The following NRXN3 variants were observed in gnomAD, a reference collection of about 807,000 sequenced individuals.
NRXN3 encodes neurexin III.
Under a neutral mutation model 137.6 loss-of-function variants are expected in NRXN3, and 32 were observed. The ratio of observed to expected loss-of-function variants is 0.23; its 90% CI spans 0.18 to 0.31. NRXN3 has a LOEUF of 0.31. Ranked by LOEUF, NRXN3 falls within the 10% of genes least tolerant of loss-of-function variation. The pLI is 1.00. For missense variants in NRXN3, 1,574 were observed against 2,062.5 expected (o/e 0.76, Z 4.59); for synonymous variants, 798 against 784.5 (o/e 1.02, Z -0.29).
chr14:78,512,432 T>C (rs1224886348), intron 4 of NRXN3, among the ~76,000 whole-genome samples: 1 of 152,164 alleles, frequency 6.6e-6, no homozygotes, highest in Admixed American at 6.5e-5. Flanking sequence ...GCCCATTATT[T>C]CACTAAATTC....
At chr14:79,502,894 G>A (rs2153675982) in intron 16 of NRXN3, among the ~76,000 whole-genome samples, 1 of 152,008 alleles carries the variant, frequency 6.6e-6, no homozygotes, top group Middle Eastern at 3.4e-3. Context: ...CTGGCTTATG[G>A]CATCAAAGAA....
intron 15 of NRXN3, among the ~76,000 whole-genome samples, chr14:79,425,356 TA>T (rs1255267847): frequency 6.6e-6 from 1 of 152,158 alleles, no homozygotes; most frequent in Non-Finnish European, 1.5e-5. Flanking sequence ...CAAAAATTCT[TA>T]TTTATGTACC....
At chr14:79,280,545 C>A (rs2081110499) in intron 15 of NRXN3, 2 of 1,608,180 alleles carry the variant, frequency 1.2e-6, no homozygotes, top group South Asian at 2.2e-5. Context: ...CACGGTAGGT[C>A]TCTCTGCTCT....
At chr14:79,410,818 A>AGAT (rs2095407088) in intron 15 of NRXN3, among the ~76,000 whole-genome samples, 3 of 152,106 alleles carry the variant, frequency 2.0e-5, no homozygotes, top group Non-Finnish European at 4.4e-5. Context: ...GTCCTAGGTA[A>AGAT]TGCTGATACA....
intron 19 of NRXN3, among the ~76,000 whole-genome samples, chr14:79,763,811 T>G (rs1261472938): frequency 6.6e-6 from 1 of 151,562 alleles, no homozygotes; most frequent in African/African-American, 2.4e-5. Context: ...CTCCACCTCC[T>G]GATACCATTA....
intron 1 of NRXN3, among the ~76,000 whole-genome samples, chr14:78,200,321 T>G (rs796493423): frequency 7.9e-5 from 12 of 152,290 alleles, no homozygotes; most frequent in African/African-American, 2.6e-4. Flanking sequence ...GGAAGGAGAC[T>G]GAGCAACTGT....
intron 4 of NRXN3, among the ~76,000 whole-genome samples, chr14:78,525,861 T>C (rs1251525770): frequency 1.3e-5 from 2 of 152,196 alleles, no homozygotes; most frequent in Non-Finnish European, 1.5e-5. Context: ...TTTCTCTAGG[T>C]CCTGGGTTCT....
chr14:78,317,454 A>G (rs2078842308), intron 4 of NRXN3, among the ~76,000 whole-genome samples: 1 of 152,206 alleles, frequency 6.6e-6, no homozygotes, highest in Non-Finnish European at 1.5e-5. Context: ...TGTTCCTTAT[A>G]AGAATCTGAC....
At chr14:79,331,175 G>T (rs2091633603) in intron 15 of NRXN3, among the ~76,000 whole-genome samples, 1 of 152,078 alleles carries the variant, frequency 6.6e-6, no homozygotes, top group African/African-American at 2.4e-5. Flanking sequence ...GCTGTATATT[G>T]GTAAATATTT....
chr14:79,563,220 A>T (rs913632515), intron 16 of NRXN3, among the ~76,000 whole-genome samples: 1 of 152,184 alleles, frequency 6.6e-6, no homozygotes, highest in Admixed American at 6.6e-5. Context: ...GATCTAGTGT[A>T]TTATTCCCAT....
At chr14:79,639,446 T>C (rs183987456) in intron 16 of NRXN3, among the ~76,000 whole-genome samples, 4 of 152,336 alleles carry the variant, frequency 2.6e-5, no homozygotes, top group Non-Finnish European at 2.9e-5. Context: ...TCTTTGTGAT[T>C]AGTTGTAGTT....
chr14:78,563,209 T>A (rs938390368), intron 4 of NRXN3, among the ~76,000 whole-genome samples: 1 of 152,062 alleles, frequency 6.6e-6, no homozygotes, highest in African/African-American at 2.4e-5. Flanking sequence ...GCTTCAGGAG[T>A]CATTCATTGT....
At chr14:79,227,940 G>T (rs1049341862) in intron 15 of NRXN3, among the ~76,000 whole-genome samples, 3 of 150,724 alleles carry the variant, frequency 2.0e-5, no homozygotes, top group African/African-American at 7.3e-5. Flanking sequence ...TTAAAAAGAT[G>T]CCAGTGACAT....
rs528467481 is a variant in NRXN3 at position 79,447,556 on chromosome 14, T to C, written c.3263-19665T>C. On this transcript the variant is annotated intron_variant, in intron 15 of 20. Transcript: ENST00000335750. Reference sequence around the variant, plus strand: ...ATTTTCATGTATTCTCCTTTTCTTATAAAGGCTCCCTTTGGAACTATCTAG... The same window carrying C: ...ATTTTCATGTATTCTCCTTTTCTTACAAAGGCTCCCTTTGGAACTATCTAG... Among the ~76,000 whole-genome samples, 196 of 152,360 alleles carry C rather than the reference T, an allele frequency of 1.3e-3. 3 individuals carry two copies. The highest frequency in any genetic ancestry group is 4.1e-3 in the African/African-American group (171 of 41,602).
chr14:79,444,429 G>C (rs1229332760), intron 15 of NRXN3, among the ~76,000 whole-genome samples: 1 of 152,174 alleles, frequency 6.6e-6, no homozygotes, highest in African/African-American at 2.4e-5. Flanking sequence ...GCTCCCCTTG[G>C]ATAAGTTTAA....
At chr14:79,811,722 C>T (rs1042006456) in intron 20 of NRXN3, among the ~76,000 whole-genome samples, 8 of 151,542 alleles carry the variant, frequency 5.3e-5, no homozygotes, top group South Asian at 2.1e-4. Flanking sequence ...GCTGGGACTA[C>T]AGACGCCCGC....
At chr14:79,677,869 T>A (rs2098649069) in intron 17 of NRXN3, among the ~76,000 whole-genome samples, 1 of 152,170 alleles carries the variant, frequency 6.6e-6, no homozygotes, top group Admixed American at 6.6e-5. Context: ...AGAGACTTGT[T>A]CCAAGCCAAC....
At chr14:79,548,930 A>C (rs534464528) in intron 16 of NRXN3, among the ~76,000 whole-genome samples, 2 of 152,258 alleles carry the variant, frequency 1.3e-5, no homozygotes, top group Admixed American at 6.5e-5. Context: ...GTTTTGACTC[A>C]GTAATCTCCT....
At position 78,329,769 on chromosome 14, in the gene NRXN3, T is replaced by A. The variant is rs77088395; in HGVS notation, c.757+31909T>A. Among the ~76,000 whole-genome samples the A allele has an allele frequency of 7.4e-4, 113 of 152,334 alleles. 1 individual carries two copies. The East Asian group carries it at 0.018, about 24-fold the overall frequency. Reference sequence around the variant, plus strand: ...GTTGGGATCAGCACCTGGAAGCCCATGACTGTTTTCTCTCTGCTCTTTAAA... The same window carrying A: ...GTTGGGATCAGCACCTGGAAGCCCAAGACTGTTTTCTCTCTGCTCTTTAAA... On this transcript the variant is annotated intron_variant, in intron 4 of 20. Transcript: ENST00000335750.
Sources: gnomAD v4.1 joint callset for allele counts (sites outside exome capture counted in the v4.1 genomes callset) on GRCh38, gnomAD v4.1.1 for gene constraint, MANE v1.5 for transcripts, NCBI Gene and HGNC (gene_info 2026-07-23, HGNC 2026-07-21) for gene names.